CCDC192: variants seen among roughly 807,000 people sequenced by gnomAD.
CCDC192 encodes the protein coiled-coil domain containing 192.
intron 6 of CCDC192, among the ~76,000 whole-genome samples, chr5:127,900,216 T>C (rs960026875): frequency 8.5e-5 from 13 of 152,206 alleles, no homozygotes; most frequent in African/African-American, 3.1e-4. Context: ...AAAAAAAATA[T>C]GGAAATCCCT....
intron 3 of CCDC192, among the ~76,000 whole-genome samples, chr5:127,767,194 C>T (rs548724389): frequency 1.4e-4 from 21 of 152,010 alleles, no homozygotes; most frequent in Non-Finnish European, 2.9e-4. Context: ...GTGTTGTATC[C>T]TAGGAATGTG....
At chr5:127,715,838 A>G (rs1368013142) in intron 2 of CCDC192, among the ~76,000 whole-genome samples, 2 of 152,188 alleles carry the variant, frequency 1.3e-5, no homozygotes, top group Non-Finnish European at 2.9e-5. Flanking sequence ...TGTCATCTGT[A>G]AACAGGAACA....
intron 5 of CCDC192, among the ~76,000 whole-genome samples, chr5:127,814,890 C>T (rs1188522968): frequency 6.6e-6 from 1 of 152,190 alleles, no homozygotes; most frequent in Non-Finnish European, 1.5e-5. Flanking sequence ...CAGTTGTTTT[C>T]AACATCTTCA....
intron 6 of CCDC192, among the ~76,000 whole-genome samples, chr5:127,877,357 T>G (rs1023009185): frequency 4.0e-4 from 60 of 149,532 alleles, no homozygotes; most frequent in Non-Finnish European, 6.7e-4. Flanking sequence ...TTTTGTGGAT[T>G]TTTTTTTTAA....
At chr5:127,730,444 C>G (rs1047614172) in intron 2 of CCDC192, among the ~76,000 whole-genome samples, 3 of 152,056 alleles carry the variant, frequency 2.0e-5, no homozygotes, top group Non-Finnish European at 4.4e-5. Context: ...ACCAGAGGTA[C>G]AAAAAGGAGC....
chr5:127,843,229 G>T lies in CCDC192; in HGVS notation c.412-32309G>T, dbSNP rs111693067. Among the ~76,000 whole-genome samples, 1,019 of 150,136 alleles carry T rather than the reference G, an allele frequency of 6.8e-3. 9 individuals carry two copies. Among genetic ancestry groups the T allele is most frequent in the African/African-American group, 0.024 (966 of 40,842 alleles). On this transcript the variant is annotated intron_variant, in intron 5 of 6. Coordinates refer to ENST00000514853, the MANE Select transcript of CCDC192 (RefSeq NM_001317938.2). The stretch of plus-strand genomic sequence containing the variant: ...TTTTTTTTGTATTTTTAGTAGAGAC[G>T]AGGTTTCACCATGTTACCCCGGATG...
At chr5:127,777,650 GT>G (rs1755947376) in intron 3 of CCDC192, among the ~76,000 whole-genome samples, 1 of 152,152 alleles carries the variant, frequency 6.6e-6, no homozygotes, top group African/African-American at 2.4e-5. Flanking sequence ...TGTAACTCCT[GT>G]AAGTCCCACA....
At chr5:127,750,306 A>T (rs139351438) in intron 2 of CCDC192, among the ~76,000 whole-genome samples, 1 of 152,168 alleles carries the variant, frequency 6.6e-6, no homozygotes, top group Non-Finnish European at 1.5e-5. Flanking sequence ...AGATTCTGGT[A>T]TGTTGTGTCT....
At chr5:127,938,585 T>A (rs747174034) in intron 6 of CCDC192, among the ~76,000 whole-genome samples, 7 of 152,228 alleles carry the variant, frequency 4.6e-5, no homozygotes, top group Non-Finnish European at 1.0e-4. Flanking sequence ...GCCACATTTT[T>A]AAAAACATAA....
At chr5:127,817,489 CAT>C (rs1239718074) in intron 5 of CCDC192, among the ~76,000 whole-genome samples, 1 of 152,152 alleles carries the variant, frequency 6.6e-6, no homozygotes, top group Non-Finnish European at 1.5e-5. Flanking sequence ...CATACTACAA[CAT>C]GGACAAACAT....
chr5:127,927,988 C>T (rs1217834200), intron 6 of CCDC192, among the ~76,000 whole-genome samples: 1 of 137,472 alleles, frequency 7.3e-6, no homozygotes, highest in Non-Finnish European at 1.5e-5. Context: ...AGTGAAGTGG[C>T]CCAATCTTGG....
chr5:127,858,026 T>C (rs1751176746), intron 5 of CCDC192, among the ~76,000 whole-genome samples: 1 of 152,212 alleles, frequency 6.6e-6, no homozygotes, highest in Non-Finnish European at 1.5e-5. Flanking sequence ...TCCATTTGCT[T>C]ATATGTATAA....
intron 6 of CCDC192, among the ~76,000 whole-genome samples, chr5:127,881,963 C>T (rs890431376): frequency 6.6e-6 from 1 of 152,206 alleles, no homozygotes; most frequent in African/African-American, 2.4e-5. Flanking sequence ...GTTGTGGTGG[C>T]TCACACCTGT....
chr5:127,766,329 G>A (rs1755221545), intron 3 of CCDC192, among the ~76,000 whole-genome samples: 1 of 151,980 alleles, frequency 6.6e-6, no homozygotes, highest in Non-Finnish European at 1.5e-5. Flanking sequence ...AGTATAATAT[G>A]CAGGCAAATA....
rs1358930826 is a variant in CCDC192 at position 127,802,813 on chromosome 5, TTAAAAA to T, written c.411+4657_411+4662del. 2.0e-5 allele frequency among the ~76,000 whole-genome samples: 3 copies of T among 152,328 alleles called. No homozygotes were observed. In the East Asian group the frequency reaches 5.8e-4, roughly 29 times the overall value. On this transcript the variant is annotated intron_variant, in intron 5 of 6. Coordinates refer to ENST00000514853, the MANE Select transcript of CCDC192 (RefSeq NM_001317938.2). ...GAAATGAATTGTTAAAGTGGCTAAA[TTAAAAA>T]TAAAATTATTTTGGCATTTGTAGGA...
In CCDC192 at chr5:127,762,798, C is replaced by T. The variant is rs377336085; in HGVS notation, c.222+8423C>T. Among the ~76,000 whole-genome samples, 22 of 152,262 alleles carry T rather than the reference C, an allele frequency of 1.4e-4. No individual in the cohort carries two copies. In the South Asian group the frequency reaches 4.4e-3, roughly 30 times the overall value. ...GTATGGGCTTAACCTGTATTTTGTTCATGAGATTTTCTTTGAGATGGTAAA... is the reference window on the plus strand; with the variant it reads ...GTATGGGCTTAACCTGTATTTTGTTTATGAGATTTTCTTTGAGATGGTAAA... On this transcript the variant is annotated intron_variant, in intron 3 of 6. Transcript: ENST00000514853.
intron 3 of CCDC192, among the ~76,000 whole-genome samples, chr5:127,768,920 C>T (rs1755391451): frequency 6.6e-6 from 1 of 152,162 alleles, no homozygotes; most frequent in Non-Finnish European, 1.5e-5. Context: ...AGGAAATTTC[C>T]TAATTTGTGT....
intron 3 of CCDC192, among the ~76,000 whole-genome samples, chr5:127,789,779 G>C (rs913337368): frequency 2.0e-5 from 3 of 152,328 alleles, no homozygotes; most frequent in Non-Finnish European, 4.4e-5. Context: ...TAGAAGATGG[G>C]GGAAATGGCC....
intron 6 of CCDC192, among the ~76,000 whole-genome samples, chr5:127,935,965 G>A (rs1396255797): frequency 6.6e-6 from 1 of 152,112 alleles, no homozygotes; most frequent in African/African-American, 2.4e-5. Context: ...TTATCCGAGT[G>A]TGGTGGCTCA....
Sources: allele counts gnomAD v4.1 joint callset (sites outside exome capture counted in the v4.1 genomes callset), GRCh38; gene constraint gnomAD v4.1.1; transcripts MANE v1.5; gene names NCBI Gene and HGNC (gene_info 2026-07-23, HGNC 2026-07-21).